Variants in FBN2 observed in about 807,000 individuals in gnomAD.
FBN2 encodes fibrillin-2.
A neutral mutation model predicts 355.6 loss-of-function variants in FBN2; 105 were observed. That is an observed-to-expected ratio of 0.30 (90% CI 0.25 to 0.35). The LOEUF is 0.35. Among genes scored for constraint, FBN2 ranks in the 10% least tolerant of loss-of-function variants. The pLI is 1.00. For missense variants in FBN2, 3,280 were observed against 3,758.7 expected (o/e 0.87, Z 3.33); for synonymous variants, 1,350 against 1,301.2 (o/e 1.04, Z -0.81).
At chr5:128,353,926 T>C (rs1487617010) in intron 20 of FBN2, among the ~76,000 whole-genome samples, 1 of 152,120 alleles carries the variant, frequency 6.6e-6, no homozygotes, top group Non-Finnish European at 1.5e-5. Flanking sequence ...AATCCATTGA[T>C]AGCACCCCGC....
intron 8 of FBN2, among the ~76,000 whole-genome samples, chr5:128,402,628 G>C (rs1004771097): frequency 1.3e-5 from 2 of 152,172 alleles, no homozygotes; most frequent in Non-Finnish European, 1.5e-5. Context: ...GTCTCCTGTG[G>C]AATTAGGTTT....
At chr5:128,263,734 T>G (rs1178200638) in intron 62 of FBN2, 78 bp from the exon 63 acceptor site, 2 of 932,028 alleles carry the variant, frequency 2.1e-6, no homozygotes, top group Non-Finnish European at 3.3e-6. Context: ...GAGTCTCAAG[T>G]GCCTGTGATT....
chr5:128,263,601 G>A lies in FBN2; in HGVS notation c.8016C>T (p.Thr2672=). Reference sequence around the variant, plus strand: ...GGCAGGCGCACTTGTAACTCCCCAGGGTGTTGTAGCAGGAAGCAGAGCCAC... The same window carrying A: ...GGCAGGCGCACTTGTAACTCCCCAGAGTGTTGTAGCAGGAAGCAGAGCCAC... ...NACGSASCYN[T]LGSYKCACPS... Residue 2672 remains threonine (T), a synonymous_variant, in exon 63 of 65, where the codon ACC becomes ACT. Transcript: ENST00000262464. 1 of 1,614,084 alleles carries A rather than the reference G, an allele frequency of 6.2e-7. No individual in the cohort carries two copies. The highest frequency in any genetic ancestry group is 1.3e-5 in the African/African-American group (1 of 75,022).
chr5:128,499,444 G>A (rs1219179374), intron 5 of FBN2, among the ~76,000 whole-genome samples: 3 of 152,086 alleles, frequency 2.0e-5, no homozygotes, highest in Admixed American at 6.5e-5. Flanking sequence ...AAATGCTAAT[G>A]TTTGGCCATG....
chr5:128,374,659 C>T lies in FBN2; in HGVS notation c.2064G>A (p.Leu688=). 1 of 1,614,034 alleles carries T rather than the reference C, an allele frequency of 6.2e-7. No individual in the cohort carries two copies. Among genetic ancestry groups the T allele is most frequent in the Non-Finnish European group, 8.5e-7 (1 of 1,179,926 alleles). The part of the protein sequence containing the change: ...GSFRCDCPPG[L]AVGMDGRVCV... ...ACACACGTCCATCCATGCCCACAGC[C>T]AGGCCTGGGGGACAGTCACAGCGGA... The change falls in exon 15 of 65, where the codon CTG becomes CTA. Residue 688 remains leucine (L), a synonymous_variant. Coordinates refer to ENST00000262464, the MANE Select transcript of FBN2 (RefSeq NM_001999.4).
chr5:128,473,278 A>G (rs561067183), intron 5 of FBN2, among the ~76,000 whole-genome samples: 1 of 152,332 alleles, frequency 6.6e-6, no homozygotes, highest in East Asian at 1.9e-4. Context: ...GAGTAGAGGC[A>G]AAGAGTTTAT....
chr5:128,473,418 A>G (rs548964014), intron 5 of FBN2, among the ~76,000 whole-genome samples: 1 of 152,212 alleles, frequency 6.6e-6, no homozygotes, highest in Non-Finnish European at 1.5e-5. Flanking sequence ...CCCTTTTAAT[A>G]TATCTTTTTA....
At chr5:128,481,315 T>C (rs1428069458) in intron 5 of FBN2, among the ~76,000 whole-genome samples, 1 of 152,222 alleles carries the variant, frequency 6.6e-6, no homozygotes, top group African/African-American at 2.4e-5. Flanking sequence ...AGCAGTACTG[T>C]TCCGACCTGG....
At chr5:128,310,389 TATATATATATA>T (rs1750012656) in intron 39 of FBN2, among the ~76,000 whole-genome samples, 2 of 9,966 alleles carry the variant, frequency 2.0e-4, no homozygotes, top group African/African-American at 7.2e-4. Flanking sequence ...TATATATATA[TATATATATATA>T]TATTTTTTTT....
At chr5:128,267,539 T>C (rs897569502) in intron 62 of FBN2, among the ~76,000 whole-genome samples, 3 of 152,236 alleles carry the variant, frequency 2.0e-5, no homozygotes, top group African/African-American at 7.2e-5. Flanking sequence ...TGGTATCTCA[T>C]GGTGGTTTTG....
chr5:128,297,268 A>G (rs542832220), intron 48 of FBN2, among the ~76,000 whole-genome samples: 4 of 152,236 alleles, frequency 2.6e-5, no homozygotes, highest in African/African-American at 4.8e-5. Flanking sequence ...TATGTGGTCA[A>G]TTTTGGAATA....
chr5:128,461,848 T>C (rs1009109596), intron 6 of FBN2, among the ~76,000 whole-genome samples: 2 of 98,834 alleles, frequency 2.0e-5, no homozygotes, highest in South Asian at 3.9e-4. Flanking sequence ...CCAGGGCCTG[T>C]TGGGGGGTCG....
At chr5:128,354,575 G>A (rs182081693) in intron 20 of FBN2, among the ~76,000 whole-genome samples, 9 of 152,332 alleles carry the variant, frequency 5.9e-5, no homozygotes, top group African/African-American at 1.4e-4. Context: ...TAGTAATTAC[G>A]AAGAGAAATG....
At chr5:128,493,053 A>G (rs1242410032) in intron 5 of FBN2, among the ~76,000 whole-genome samples, 1 of 152,178 alleles carries the variant, frequency 6.6e-6, no homozygotes, top group Non-Finnish European at 1.5e-5. Context: ...ATTAGTAGAG[A>G]TCTAGGGATA....
intron 7 of FBN2, among the ~76,000 whole-genome samples, chr5:128,411,818 G>A (rs1266659708): frequency 6.6e-6 from 1 of 152,176 alleles, no homozygotes; most frequent in Non-Finnish European, 1.5e-5. Context: ...CCTCCTGTCT[G>A]TATCACAATG....
Position 128,364,741 on chromosome 5 carries a change from A to C in FBN2, c.2303-16T>G, listed in dbSNP as rs760330981. ...TCATTGATATCTGCATTAAATATTG[A>C]AAGTTTAGTGCTATCAACAAACATG... On this transcript the variant is annotated splice_polypyrimidine_tract_variant and intron_variant, in intron 17 of 64. Coordinates refer to ENST00000262464, the MANE Select transcript of FBN2 (RefSeq NM_001999.4). 3.7e-6 allele frequency: 6 copies of C among 1,605,496 alleles called. No individual in the cohort carries two copies. In the South Asian group the frequency reaches 6.6e-5, roughly 18 times the overall value.
chr5:128,466,819 T>C (rs1754725660), intron 5 of FBN2, among the ~76,000 whole-genome samples: 1 of 152,160 alleles, frequency 6.6e-6, no homozygotes, highest in Non-Finnish European at 1.5e-5. Context: ...ATGGCAACCT[T>C]ATAAACAAAC....
At chr5:128,272,334 C>A (rs982256184) in intron 61 of FBN2, among the ~76,000 whole-genome samples, 1 of 151,958 alleles carries the variant, frequency 6.6e-6, no homozygotes, top group Non-Finnish European at 1.5e-5. Flanking sequence ...CATTCTTCTG[C>A]TCTCCACCAG....
intron 5 of FBN2, among the ~76,000 whole-genome samples, chr5:128,502,269 A>G (rs1036264975): frequency 2.1e-5 from 3 of 139,940 alleles, no homozygotes; most frequent in Non-Finnish European, 4.6e-5. Flanking sequence ...CATGCTTTTC[A>G]CTAAAACTTA....
Sources: gnomAD v4.1 joint callset for allele counts (sites outside exome capture counted in the v4.1 genomes callset) on GRCh38, gnomAD v4.1.1 for gene constraint, MANE v1.5 for transcripts, NCBI Gene and HGNC (gene_info 2026-07-23, HGNC 2026-07-21) for gene names.